The following SYT9 variants were observed in gnomAD, a reference collection of about 807,000 sequenced individuals.
The protein encoded by SYT9 is synaptotagmin 9, also known as synaptotagmin-9.
Under a neutral mutation model 48.4 loss-of-function variants are expected in SYT9, and 22 were observed. The observed-to-expected ratio is 0.45, with a 90% CI of 0.32 to 0.65. The LOEUF is 0.65. Ranked by LOEUF, SYT9 falls within the 30% of genes least tolerant of loss-of-function variation. The probability of loss-of-function intolerance (pLI) is 0.03; values close to 1 mark genes in which losing one functional copy is unlikely to be tolerated. For missense variants in SYT9, 577 were observed against 622.0 expected, an observed-to-expected ratio of 0.93 and a Z score of 0.77; for synonymous variants, 265 against 245.0, an observed-to-expected ratio of 1.08 and a Z score of -0.76.
chr11:7,403,099 A>G (rs1274427469), intron 3 of SYT9, among the ~76,000 whole-genome samples: 1 of 152,164 alleles, frequency 6.6e-6, no homozygotes, highest in Non-Finnish European at 1.5e-5. Context: ...GGTTATTGAC[A>G]TGAAATTTTT....
At chr11:7,353,457 G>A (rs1329904446) in intron 3 of SYT9, among the ~76,000 whole-genome samples, 1 of 152,154 alleles carries the variant, frequency 6.6e-6, no homozygotes, top group Non-Finnish European at 1.5e-5. Flanking sequence ...CCCATGAACA[G>A]CTTTTCCTAG....
chr11:7,466,733 A>AG (rs1358931904), intron 6 of SYT9, 59 bp from the exon 7 acceptor site: 131 of 1,573,836 alleles, frequency 8.3e-5, no homozygotes, highest in Middle Eastern at 1.7e-4. Context: ...AAAAAAAAAA[A>AG]AAAGAAAAAA....
chr11:7,417,858 T>A, intron 4 of SYT9, 99 bp from the exon 5 acceptor site: 2 of 1,273,716 alleles, frequency 1.6e-6, no homozygotes, highest in Non-Finnish European at 1.1e-6. Flanking sequence ...GGTAAAGGAG[T>A]TCAGCATACC....
At chr11:7,367,660 T>G (rs1008058720) in intron 3 of SYT9, among the ~76,000 whole-genome samples, 4 of 152,142 alleles carry the variant, frequency 2.6e-5, no homozygotes, top group Non-Finnish European at 5.9e-5. Flanking sequence ...GGGGTTTATG[T>G]TTTTTCTTAG....
At chr11:7,385,112 CTGTATATGTG>C (rs1336150747) in intron 3 of SYT9, among the ~76,000 whole-genome samples, 21 of 151,970 alleles carry the variant, frequency 1.4e-4, no homozygotes, top group African/African-American at 4.8e-4. Context: ...ATGTATACTT[CTGTATATGTG>C]TGTATATGTG....
chr11:7,249,785 G>A (rs1230394232), upstream of SYT9, among the ~76,000 whole-genome samples: 2 of 152,136 alleles, frequency 1.3e-5, no homozygotes, highest in Non-Finnish European at 2.9e-5. Flanking sequence ...GCACAAAAAT[G>A]TTAACTTGCA....
intron 3 of SYT9, among the ~76,000 whole-genome samples, chr11:7,338,416 T>C (rs1255950744): frequency 6.6e-6 from 1 of 152,192 alleles, no homozygotes; most frequent in East Asian, 1.9e-4. Flanking sequence ...CTCTTGCTTC[T>C]ATAGTTCTTT....
At chr11:7,270,530 A>G (rs1848275009) in intron 1 of SYT9, among the ~76,000 whole-genome samples, 1 of 152,106 alleles carries the variant, frequency 6.6e-6, no homozygotes, top group Non-Finnish European at 1.5e-5. Flanking sequence ...CAAATTCTAG[A>G]AAAAAAATTG....
At chr11:7,416,011 T>C (rs750624497) in intron 3 of SYT9, 31 bp from the exon 4 acceptor site, 2 of 1,613,982 alleles carry the variant, frequency 1.2e-6, no homozygotes, top group Admixed American at 1.7e-5. Context: ...GGAGACACTT[T>C]CTAATACTTT....
chr11:7,390,591 A>G lies in SYT9; in HGVS notation c.1045-25451A>G, dbSNP rs140069159. Among the ~76,000 whole-genome samples the G allele has an allele frequency of 6.6e-5, 10 of 152,354 alleles. No individual in the cohort carries two copies. The South Asian group carries it at 1.2e-3, about 19-fold the overall frequency. On this transcript the variant is annotated intron_variant, in intron 3 of 6. Transcript: ENST00000318881. Reference sequence around the variant, plus strand: ...AAAATAAAGAAGCATAATAAATTCTAGAGGAAGATTTGGAAATAAAGTTAA... The same window carrying G: ...AAAATAAAGAAGCATAATAAATTCTGGAGGAAGATTTGGAAATAAAGTTAA...
At chr11:7,360,133 G>C (rs1447455686) in intron 3 of SYT9, among the ~76,000 whole-genome samples, 10 of 151,940 alleles carry the variant, frequency 6.6e-5, no homozygotes, top group South Asian at 6.2e-4. Context: ...GCTTGTTTTT[G>C]TCAGGTTTGT....
chr11:7,354,491 C>G (rs879133332), intron 3 of SYT9, among the ~76,000 whole-genome samples: 1 of 152,180 alleles, frequency 6.6e-6, no homozygotes, highest in African/African-American at 2.4e-5. Flanking sequence ...AGGTAGGGAA[C>G]ATACACTGAG....
upstream of SYT9, among the ~76,000 whole-genome samples, chr11:7,251,577 T>C (rs1334215638): frequency 2.6e-5 from 4 of 152,080 alleles, no homozygotes; most frequent in Non-Finnish European, 5.9e-5. Context: ...ATCTGGCGGG[T>C]GTGCCCAGAT....
At chr11:7,288,043 C>T (rs995273254) in intron 1 of SYT9, among the ~76,000 whole-genome samples, 1 of 151,696 alleles carries the variant, frequency 6.6e-6, no homozygotes, top group Admixed American at 6.6e-5. Context: ...TGGCAGATGG[C>T]AGAGATGCTC....
intron 1 of SYT9, 58 bp from the exon 2 acceptor site, chr11:7,302,981 C>G (rs1848951524): frequency 2.0e-6 from 3 of 1,495,170 alleles, no homozygotes; most frequent in African/African-American, 2.8e-5. Flanking sequence ...CCACGCTGTG[C>G]AATGGGTGGG....
At chr11:7,408,832 T>A (rs918147103) in intron 3 of SYT9, among the ~76,000 whole-genome samples, 20 of 152,316 alleles carry the variant, frequency 1.3e-4, no homozygotes, top group African/African-American at 4.8e-4. Flanking sequence ...TTTTTTTAAT[T>A]TGTTTTCCTC....
At chr11:7,312,131 C>T (rs1849147139) in intron 2 of SYT9, among the ~76,000 whole-genome samples, 1 of 152,132 alleles carries the variant, frequency 6.6e-6, no homozygotes, top group Non-Finnish European at 1.5e-5. Context: ...TGTGACGGTA[C>T]TCTTGTCATA....
intron 6 of SYT9, among the ~76,000 whole-genome samples, chr11:7,433,869 C>T (rs891431159): frequency 2.0e-5 from 3 of 152,098 alleles, no homozygotes; most frequent in African/African-American, 7.2e-5. Context: ...GTTATAGTAG[C>T]CCAAAAGGAC....
chr11:7,347,230 C>A (rs181017831), intron 3 of SYT9, among the ~76,000 whole-genome samples: 2 of 117,072 alleles, frequency 1.7e-5, no homozygotes, highest in East Asian at 4.0e-4. Context: ...CCGTTTTCAT[C>A]AAAATATTTT....
Sources: gnomAD v4.1 joint callset for allele counts (sites outside exome capture counted in the v4.1 genomes callset) on GRCh38, gnomAD v4.1.1 for gene constraint, MANE v1.5 for transcripts, NCBI Gene and HGNC (gene_info 2026-07-23, HGNC 2026-07-21) for gene names.